Variants in PDE6B observed in about 807,000 individuals in gnomAD.
PDE6B encodes the protein phosphodiesterase 6B.
Under a neutral mutation model 109.0 loss-of-function variants are expected in PDE6B, and 106 were observed. The ratio of observed to expected loss-of-function variants is 0.97; its 90% CI spans 0.83 to 1.14. The LOEUF is 1.14. PDE6B is among the 50% of genes most tolerant of loss of function. PDE6B has a pLI of 0.00. For missense variants in PDE6B, 1,193 were observed against 1,155.6 expected (o/e 1.03, Z -0.47); for synonymous variants, 490 against 471.3 (o/e 1.04, Z -0.51).
intron 11 of PDE6B, among the ~76,000 whole-genome samples, chr4:659,816 C>T (rs1055307827): frequency 3.9e-5 from 6 of 152,082 alleles, no homozygotes; most frequent in South Asian, 2.1e-4. Flanking sequence ...TTGTGTGTGT[C>T]TCCTAGAGAC....
At chr4:656,454 T>C (rs1055786537) in intron 8 of PDE6B, among the ~76,000 whole-genome samples, 162 bp downstream of exon 8, 1 of 151,856 alleles carries the variant, frequency 6.6e-6, no homozygotes, top group Admixed American at 6.6e-5. Flanking sequence ...CTGAGGCGGG[T>C]GGATCACCTG....
At chr4:646,097 T>G (rs1445149883) in intron 3 of PDE6B, among the ~76,000 whole-genome samples, 1 of 152,086 alleles carries the variant, frequency 6.6e-6, no homozygotes, top group Non-Finnish European at 1.5e-5. Flanking sequence ...TTCACGCATA[T>G]GCAAGTTTCT....
intron 5 of PDE6B, chr4:654,602 CCT>C: frequency 7.8e-6 from 5 of 642,848 alleles, no homozygotes; most frequent in Non-Finnish European, 1.4e-5. Context: ...GTGTGTGCAC[CCT>C]GAGCCTGTGC....
Position 665,170 on chromosome 4 carries a change from C to T in PDE6B, c.2194-85C>T, listed in dbSNP as rs566639831. ...CCCGGGGGTCTGGGGCGGAGAAGAC[C>T]GAGGCTCGGAGCCTCACGGGGCGGG... On this transcript the variant is annotated intron_variant, in intron 18 of 21. Transcript: ENST00000496514. The surrounding 1 kb of genome is among the most constrained non-coding windows in gnomAD (Gnocchi z 4.0). 8.7e-5 allele frequency: 90 copies of T among 1,040,390 alleles called. No homozygotes were observed. The highest frequency in any genetic ancestry group is 5.7e-4 in the Admixed American group (29 of 50,578). 64.4% of individuals were successfully genotyped at this position (1,040,390 alleles called of 1,614,324 possible). A position where few individuals can be genotyped will look rare whatever the true frequency, so the allele number is the denominator to read the frequency against.
In PDE6B at chr4:625,828, G is replaced by T; in HGVS notation, c.202G>T (p.Glu68Ter). The stretch of plus-strand genomic sequence containing the variant: ...GCTGGAGCTGGTGCAGGATATGCAG[G>T]AGAGCATCAACATGGAGCGCGTGGT... ...ALLELVQDMQ[E>*]SINMERVVFK... The change falls in exon 1 of 22, where the codon GAG (glutamate) becomes TAG (stop). Residue 68 changes from glutamate (E) to a stop codon, truncating the protein, a stop_gained. Transcript: ENST00000496514. LOFTEE classifies it high-confidence loss of function. The surrounding 1 kb of genome is among the most constrained non-coding windows in gnomAD (Gnocchi z 5.0). 6.2e-7 allele frequency: 1 copy of T among 1,613,096 alleles called. No homozygotes were observed. The highest frequency in any genetic ancestry group is 8.5e-7 in the Non-Finnish European group (1 of 1,179,902).
rs764225723 is a variant in PDE6B, at chr4:656,912, T to C, written c.1146T>C (p.Asn382=). ...ALDDSGWLIK[N]VLSMPIVNKK... is the part of the protein sequence containing the mutation. ...ACGACTCCGGGTGGCTCATCAAGAA[T>C]GTGCTGTCCATGCCCATCGTCAACA... The change falls in exon 9 of 22, where the codon AAT becomes AAC. Residue 382 remains asparagine, a synonymous_variant. Transcript: ENST00000496514. 6 of 1,612,842 alleles carry C rather than the reference T, an allele frequency of 3.7e-6. No individual in the cohort carries two copies. The South Asian group carries it at 4.4e-5, about 12-fold the overall frequency.
In PDE6B at chr4:663,077, C is replaced by T. The variant is rs367687142; in HGVS notation, c.1833-23C>T. On this transcript the variant is annotated intron_variant, in intron 14 of 21. Coordinates refer to ENST00000496514, the MANE Select transcript of PDE6B (RefSeq NM_000283.4). The surrounding 1 kb of genome is among the most constrained non-coding windows in gnomAD (Gnocchi z 4.0). ...GGCCAAGGGCAGGTCCCACGGGCCT[C>T]ACCTCCACCACCTGTGTAACAGGTC... 6.8e-7 allele frequency: 1 copy of T among 1,460,902 alleles called. No individual in the cohort carries two copies. The highest frequency in any genetic ancestry group is 1.7e-5 in the Admixed American group (1 of 59,852). The allele number at this position is 1,460,902 out of a possible 1,614,324, so 90.5% of individuals were successfully genotyped here.
In PDE6B at chr4:625,868, G is replaced by A. The variant is rs370894310; in HGVS notation, c.242G>A (p.Arg81Gln). 2.3e-5 allele frequency: 37 copies of A among 1,609,846 alleles called. No individual in the cohort carries two copies. Among genetic ancestry groups the A allele is most frequent in the African/African-American group, 4.0e-5 (3 of 74,884 alleles). ...GAGCGCGTGGTCTTCAAGGTCCTGC[G>A]GCGCCTCTGCACCCTCCTGCAGGCC... ...NMERVVFKVLRRLCTLLQADR... is the reference protein window; with the variant it reads ...NMERVVFKVLQRLCTLLQADR... The change falls in exon 1 of 22, where the codon CGG becomes CAG. Residue 81 changes from arginine to glutamine, a missense_variant. By Grantham distance (43) the Arg-to-Gln change is conservative (BLOSUM62 1). Coordinates refer to ENST00000496514, the MANE Select transcript of PDE6B (RefSeq NM_000283.4). This position sits in a 1 kb window ranked among gnomAD's most constrained non-coding sequence, Gnocchi z 5.0.
Position 657,333 on chromosome 4 carries a change from C to A in PDE6B, c.1258-18C>A. ...CGCCGGGAGCGCTGAGCGCCAGTGA[C>A]ACTGCCATCCCCTCCAGTCCCTGAC... is the stretch of plus-strand genomic sequence containing the variant. On this transcript the variant is annotated intron_variant, in intron 9 of 21. Coordinates refer to ENST00000496514, the MANE Select transcript of PDE6B (RefSeq NM_000283.4). The A allele has an allele frequency of 1.9e-6, 3 of 1,612,652 alleles. No individual in the cohort carries two copies. The highest frequency in any genetic ancestry group is 2.5e-6 in the Non-Finnish European group (3 of 1,179,766).
intron 17 of PDE6B, 46 bp from the exon 18 acceptor site, chr4:664,835 C>A (rs572996252): frequency 2.0e-6 from 3 of 1,468,230 alleles, no homozygotes; most frequent in Non-Finnish European, 2.9e-6. Context: ...AACCACCTGC[C>A]CTCAGGAGAC....
rs1560103445 is a variant in PDE6B, at chr4:633,861, C to CCG, written c.469-816_469-815insCG. 6.6e-6 allele frequency among the ~76,000 whole-genome samples: 1 copy of CCG among 152,136 alleles called. No individual in the cohort carries two copies. ...CTCTGAAGGACAGAATCCCAGTCACCGGGGGGTGTCTGGTCTCAGTAACCC... is the reference window on the plus strand; with the variant it reads ...CTCTGAAGGACAGAATCCCAGTCACCCGGGGGGGTGTCTGGTCTCAGTAACCC... On this transcript the variant is annotated intron_variant, in intron 1 of 21. Coordinates refer to ENST00000496514, the MANE Select transcript of PDE6B (RefSeq NM_000283.4). This position sits in a 1 kb window ranked among gnomAD's most constrained non-coding sequence, Gnocchi z 4.5.
chr4:634,142 T>C (rs1006346393), intron 1 of PDE6B, among the ~76,000 whole-genome samples: 3 of 151,870 alleles, frequency 2.0e-5, no homozygotes, highest in African/African-American at 7.3e-5. Flanking sequence ...GTGAAAGGAC[T>C]CCCACCCCGG....
At chr4:656,372 G>GT in intron 8 of PDE6B, 80 bp downstream of exon 8, 1 of 1,002,522 alleles carries the variant, frequency 1.0e-6, no homozygotes, top group Non-Finnish European at 1.6e-6. Context: ...AAGTGAATTC[G>GT]TTTTTGCCAC....
At position 669,211 on chromosome 4, in the gene PDE6B, G is replaced by A. The variant is rs79163328; in HGVS notation, c.2504-835G>A. On this transcript the variant is annotated intron_variant, in intron 21 of 21. Coordinates refer to ENST00000496514, the MANE Select transcript of PDE6B (RefSeq NM_000283.4). ...ATTCCCGCTATGCCATGCTATTCCC[G>A]CTACCCCATGCTATTCCCCTACCCT... Among the ~76,000 whole-genome samples the A allele has an allele frequency of 2.5e-4, 2 of 8,052 alleles. 1 individual carries two copies. The highest frequency in any genetic ancestry group is 1.6e-3 in the African/African-American group (2 of 1,234). The allele number at this position is 8,052 out of a possible 152,430, so 5.3% of individuals were successfully genotyped here. A position where few individuals can be genotyped will look rare whatever the true frequency, so the allele number is the denominator to read the frequency against.
At chr4:644,713 A>G (rs1287493444) in intron 3 of PDE6B, among the ~76,000 whole-genome samples, 1 of 151,842 alleles carries the variant, frequency 6.6e-6, no homozygotes, top group East Asian at 1.9e-4. Flanking sequence ...TATTTTTAGT[A>G]GAGACGGGAT....
In PDE6B at chr4:641,899, A is replaced by T. The variant is rs143782332; in HGVS notation, c.711+5930A>T. ...TGACCTCAGGTGATCTGCCCACATCAGCCTCCCAAAGTGCTGGAATTACAG... is the reference window on the plus strand; with the variant it reads ...TGACCTCAGGTGATCTGCCCACATCTGCCTCCCAAAGTGCTGGAATTACAG... On this transcript the variant is annotated intron_variant, in intron 3 of 21. Transcript: ENST00000496514. 4.7e-3 allele frequency among the ~76,000 whole-genome samples: 723 copies of T among 152,232 alleles called. 7 individuals carry two copies. Among genetic ancestry groups the T allele is most frequent in the African/African-American group, 0.017 (694 of 41,548 alleles).
chr4:654,905 A>C lies in PDE6B; in HGVS notation c.992+17A>C. Reference sequence around the variant, plus strand: ...GGTCATTCCGTAAGTGCAGGATTTTACCAGAAGCGTCCCCGGGGGAGGGAC... The same window carrying C: ...GGTCATTCCGTAAGTGCAGGATTTTCCCAGAAGCGTCCCCGGGGGAGGGAC... On this transcript the variant is annotated intron_variant, in intron 6 of 21. Coordinates refer to ENST00000496514, the MANE Select transcript of PDE6B (RefSeq NM_000283.4). 7.1e-7 allele frequency: 1 copy of C among 1,418,046 alleles called. No individual in the cohort carries two copies. Among genetic ancestry groups the C allele is most frequent in the Non-Finnish European group, 1.0e-6 (1 of 1,001,336 alleles). The allele number at this position is 1,418,046 out of a possible 1,614,324, so 87.8% of individuals were successfully genotyped here. A position where few individuals can be genotyped will look rare whatever the true frequency, so the allele number is the denominator to read the frequency against.
intron 12 of PDE6B, chr4:661,572 T>C (rs1317678361): frequency 1.3e-5 from 2 of 154,934 alleles, no homozygotes; most frequent in Non-Finnish European, 2.9e-5. Flanking sequence ...TTTTACTAAA[T>C]ACTAAGGGAA....
intron 21 of PDE6B, among the ~76,000 whole-genome samples, 188 bp downstream of exon 21, chr4:668,194 G>C (rs757822204): frequency 6.6e-6 from 1 of 151,932 alleles, no homozygotes; most frequent in South Asian, 2.1e-4. Flanking sequence ...ACTCCACCTC[G>C]GTAGCAAACC....
Sources: allele counts gnomAD v4.1 joint callset (sites outside exome capture counted in the v4.1 genomes callset), GRCh38; gene constraint gnomAD v4.1.1; non-coding constraint Gnocchi (gnomAD v3.1); transcripts MANE v1.5; gene names NCBI Gene and HGNC (gene_info 2026-07-23, HGNC 2026-07-21).